Variants in PAX5 observed in about 807,000 individuals in gnomAD.
PAX5 encodes the protein paired box 5.
Under a neutral mutation model 43.7 loss-of-function variants are expected in PAX5, and 9 were observed. The observed-to-expected ratio is 0.21, with a 90% CI of 0.12 to 0.36. The LOEUF (loss-of-function observed/expected upper bound fraction) is 0.36. Ranked by LOEUF, PAX5 falls within the 10% of genes least tolerant of loss-of-function variation. The probability of loss-of-function intolerance (pLI) is 1.00; values close to 1 mark genes in which losing one functional copy is unlikely to be tolerated. For synonymous variants in PAX5, 228 were observed against 214.3 expected (o/e 1.06, Z -0.56); for missense variants, 383 against 532.7 (o/e 0.72, Z 2.77).
At chr9:36,931,842 CTCTGTCTCA>C (rs1831155427) in intron 6 of PAX5, among the ~76,000 whole-genome samples, 2 of 97,748 alleles carry the variant, frequency 2.0e-5, no homozygotes, top group African/African-American at 6.9e-5. Context: ...CAGAGTGAGA[CTCTGTCTCA>C]AAAAAAAAAA....
In PAX5 at chr9:36,928,310, C is replaced by A. The variant is rs368239684; in HGVS notation, c.781-4826G>T. Among the ~76,000 whole-genome samples the A allele has an allele frequency of 3.6e-4, 55 of 152,322 alleles. No homozygotes were observed. The South Asian group carries it at 0.011, about 29-fold the overall frequency. ...TCCGCCTGGAGGGTCCCTCTCACTCCGTGACTTAGAGAACTCTTACATTAT... is the reference window on the plus strand; with the variant it reads ...TCCGCCTGGAGGGTCCCTCTCACTCAGTGACTTAGAGAACTCTTACATTAT... On this transcript the variant is annotated intron_variant, in intron 6 of 9. Transcript: ENST00000358127.
intron 6 of PAX5, among the ~76,000 whole-genome samples, chr9:36,927,257 C>G (rs1830717053): frequency 6.6e-6 from 1 of 152,142 alleles, no homozygotes; most frequent in Non-Finnish European, 1.5e-5. Flanking sequence ...CTGGCACATT[C>G]CTAGACCTCA....
chr9:36,923,462 G>C lies in PAX5; in HGVS notation c.803C>G (p.Ala268Gly), dbSNP rs1378909604. ...PEQTTEYSAM[A>G]SLAGGLDDMK... ...GTCGTCCAGCCCACCAGCCAGCGAG[G>C]CCATGGCTGAATACTCTGTGGTCTG... The change falls in exon 7 of 10, where the codon GCC (alanine) becomes GGC (glycine). Residue 268 changes from alanine (A) to glycine (G), a missense_variant. Ala to Gly is a moderately conservative substitution (Grantham distance 60). Coordinates refer to ENST00000358127, the MANE Select transcript of PAX5 (RefSeq NM_016734.3). 3 of 1,611,498 alleles carry C rather than the reference G, an allele frequency of 1.9e-6. No individual in the cohort carries two copies. The highest frequency in any genetic ancestry group is 2.5e-6 in the Non-Finnish European group (3 of 1,179,910).
chr9:36,992,448 C>T (rs1277636699), intron 5 of PAX5, among the ~76,000 whole-genome samples: 2 of 152,138 alleles, frequency 1.3e-5, no homozygotes, highest in South Asian at 2.1e-4. Flanking sequence ...CCCAGGCTCT[C>T]GGGTGGCACG....
At chr9:37,022,835 C>T (rs1488747631) in intron 1 of PAX5, among the ~76,000 whole-genome samples, 2 of 152,154 alleles carry the variant, frequency 1.3e-5, no homozygotes, top group African/African-American at 2.4e-5. Flanking sequence ...ATCTATAGGT[C>T]CACAGCTGAC....
At chr9:36,871,426 G>A (rs901394204) in intron 8 of PAX5, among the ~76,000 whole-genome samples, 9 of 152,160 alleles carry the variant, frequency 5.9e-5, no homozygotes, top group African/African-American at 2.2e-4. Context: ...ACTAATGGGG[G>A]ACCCCTAACC....
chr9:36,897,648 T>C (rs1222139924), intron 7 of PAX5, among the ~76,000 whole-genome samples: 11 of 152,356 alleles, frequency 7.2e-5, no homozygotes, highest in African/African-American at 2.6e-4. Context: ...GTTTGGGTCC[T>C]GGACCCAGCA....
chr9:36,862,015 G>T (rs1824263710), intron 8 of PAX5, among the ~76,000 whole-genome samples: 1 of 152,174 alleles, frequency 6.6e-6, no homozygotes, highest in African/African-American at 2.4e-5. Flanking sequence ...GCCAGGCCAT[G>T]TGGCTATGCA....
intron 8 of PAX5, among the ~76,000 whole-genome samples, chr9:36,879,871 G>A (rs1251474418): frequency 1.3e-5 from 2 of 152,188 alleles, no homozygotes; most frequent in African/African-American, 2.4e-5. Flanking sequence ...GCGGGGCAAG[G>A]GGAAGGGTGG....
At chr9:36,946,159 A>G (rs557055971) in intron 6 of PAX5, among the ~76,000 whole-genome samples, 37 of 152,228 alleles carry the variant, frequency 2.4e-4, no homozygotes, top group South Asian at 2.1e-3. Flanking sequence ...CTCCATCAGG[A>G]AGCGACTCCC....
chr9:36,965,849 G>T (rs1834381458), intron 6 of PAX5, among the ~76,000 whole-genome samples: 1 of 152,168 alleles, frequency 6.6e-6, no homozygotes, highest in Non-Finnish European at 1.5e-5. Context: ...AACTGAATCT[G>T]ATAGTCCAGA....
intron 8 of PAX5, among the ~76,000 whole-genome samples, chr9:36,849,051 C>T (rs2131600402): frequency 6.6e-6 from 1 of 152,364 alleles, no homozygotes; most frequent in Middle Eastern, 3.4e-3. Context: ...CCCACCCCTC[C>T]TCTTCCGATC....
intron 8 of PAX5, among the ~76,000 whole-genome samples, chr9:36,856,954 C>T (rs576102181): frequency 1.5e-4 from 23 of 152,256 alleles, no homozygotes; most frequent in Non-Finnish European, 2.9e-4. Context: ...TAGAATGTTG[C>T]CAGAAGCCCC....
At chr9:36,897,253 T>G (rs1171685254) in intron 7 of PAX5, among the ~76,000 whole-genome samples, 2 of 152,142 alleles carry the variant, frequency 1.3e-5, no homozygotes, top group African/African-American at 4.8e-5. Flanking sequence ...GCAGAGGACA[T>G]GCGACTGTGA....
Position 36,833,749 on chromosome 9 carries a change from C to A in PAX5, c.*6811G>T, listed in dbSNP as rs995341620. ...TATTTTCTACTAGAAAAAAAGAATACAAAACATACACATTTTTTAAGAAGC... is the reference window on the plus strand; with the variant it reads ...TATTTTCTACTAGAAAAAAAGAATAAAAAACATACACATTTTTTAAGAAGC... On this transcript the variant is annotated 3_prime_UTR_variant, in exon 10 of 10. Transcript: ENST00000358127. 4.3e-6 allele frequency: 1 copy of A among 232,292 alleles called. No individual in the cohort carries two copies. The highest frequency in any genetic ancestry group is 8.5e-6 in the Non-Finnish European group (1 of 117,750). 14.4% of individuals were successfully genotyped at this position (232,292 alleles called of 1,614,324 possible).
chr9:36,983,920 C>A (rs1041566653), intron 5 of PAX5, among the ~76,000 whole-genome samples: 1 of 152,136 alleles, frequency 6.6e-6, no homozygotes, highest in Non-Finnish European at 1.5e-5. Flanking sequence ...TCCAGACCAC[C>A]TTTGAGGGAC....
Position 36,925,533 on chromosome 9 carries a change from G to T in PAX5, c.781-2049C>A, listed in dbSNP as rs116761692. Among the ~76,000 whole-genome samples the T allele has an allele frequency of 7.3e-3, 1,110 of 152,208 alleles. 18 individuals are homozygous for T. Among genetic ancestry groups the T allele is most frequent in the African/African-American group, 0.024 (1,016 of 41,516 alleles). ...GGAACCGTGATATATGAAGGAGATG[G>T]TGTACAAATCAGCAGGAAAGGATGG... On this transcript the variant is annotated intron_variant, in intron 6 of 9. Transcript: ENST00000358127.
intron 1 of PAX5, among the ~76,000 whole-genome samples, chr9:37,029,705 C>G (rs528726186): frequency 6.6e-6 from 1 of 152,050 alleles, no homozygotes; most frequent in Non-Finnish European, 1.5e-5. Flanking sequence ...GAGTGCGGGA[C>G]GCCCTGAGGG....
intron 8 of PAX5, among the ~76,000 whole-genome samples, chr9:36,872,675 T>C (rs1387216945): frequency 5.3e-5 from 8 of 152,174 alleles, no homozygotes; most frequent in Non-Finnish European, 7.4e-5. Flanking sequence ...GTGTATCAGT[T>C]TCTCCTCACT....
Sources: gnomAD v4.1 joint callset for allele counts (sites outside exome capture counted in the v4.1 genomes callset) on GRCh38, gnomAD v4.1.1 for gene constraint, MANE v1.5 for transcripts, NCBI Gene and HGNC (gene_info 2026-07-23, HGNC 2026-07-21) for gene names.